The following AXL variants were observed in gnomAD, a reference collection of about 807,000 sequenced individuals.
AXL encodes tyrosine-protein kinase receptor UFO.
In AXL, 52 loss-of-function variants were observed where a neutral mutation model predicts 104.5. That is an observed-to-expected ratio of 0.50 (90% CI 0.40 to 0.63). The LOEUF is 0.63. AXL is among the 20% of genes least tolerant of loss of function. The pLI, the probability that AXL is intolerant of heterozygous loss-of-function variation, is 0.00. For synonymous variants in AXL, 455 were observed against 473.7 expected (o/e 0.96, Z 0.51); for missense variants, 1,024 against 1,188.5 (o/e 0.86, Z 2.04).
rs532088297 is a variant in AXL, at chr19:41,229,624, A to C, written c.587-1343A>C. On this transcript the variant is annotated intron_variant, in intron 4 of 19. Coordinates refer to ENST00000301178, the MANE Select transcript of AXL (RefSeq NM_021913.5). ...GGACTGAGAGGTGTTGTTGAGGAACAAAAATGAAAGAAGAGGGTGCGAGTC... is the reference window on the plus strand; with the variant it reads ...GGACTGAGAGGTGTTGTTGAGGAACCAAAATGAAAGAAGAGGGTGCGAGTC... Among the ~76,000 whole-genome samples, 28 of 152,302 alleles carry C rather than the reference A, an allele frequency of 1.8e-4. No homozygotes were observed. The East Asian group carries it at 5.2e-3, about 28-fold the overall frequency.
rs2033774057 is a variant in AXL, at chr19:41,220,689, G to T, written c.139G>T (p.Ala47Ser). 6.2e-7 allele frequency: 1 copy of T among 1,611,104 alleles called. No individual in the cohort carries two copies. Among genetic ancestry groups the T allele is most frequent in the African/African-American group, 1.3e-5 (1 of 74,852 alleles). Residue 47 changes from alanine (A) to serine (S), a missense_variant, in exon 2 of 20, where the codon GCC becomes TCC. Around this residue, in one of 5 missense-constraint regions of AXL, gnomAD observed 124 missense variants for 115.5 expected, o/e 1.07. Transcript: ENST00000301178. ...FVGNPGNITG[A>S]RGLTGTLRCQ... The stretch of plus-strand genomic sequence containing the variant: ...GGGCAACCCAGGGAATATCACAGGT[G>T]CCCGGGGACTCACGGGCACCCTTCG...
chr19:41,252,947 C>T lies in AXL; in HGVS notation c.1906C>T (p.Arg636Trp), dbSNP rs756510536. ...CCTACACAGCTTCCTCCTCTATTCC[C>T]GGCTCGGGGACCAGCCAGTGGTAAG... Reference protein sequence around the residue: ...GDLHSFLLYSRLGDQPVYLPT... With the variant: ...GDLHSFLLYSWLGDQPVYLPT... The change falls in exon 16 of 20, where the codon CGG becomes TGG. Residue 636 changes from arginine (R) to tryptophan (W), a missense_variant. Arg to Trp is a moderately radical substitution (Grantham distance 101). Transcript: ENST00000301178. The T allele has an allele frequency of 1.2e-5, 20 of 1,614,110 alleles. No individual in the cohort carries two copies. The highest frequency in any genetic ancestry group is 2.2e-5 in the East Asian group (1 of 44,880).
chr19:41,238,255 G>A (rs1451815533), intron 7 of AXL, 101 bp downstream of exon 7: 20 of 1,463,792 alleles, frequency 1.4e-5, no homozygotes, highest in Non-Finnish European at 1.8e-5. Flanking sequence ...ACCCCTCATG[G>A]CCTCAATCTC....
chr19:41,254,228 C>T (rs2034416203), intron 17 of AXL, among the ~76,000 whole-genome samples: 1 of 151,304 alleles, frequency 6.6e-6, no homozygotes, highest in Non-Finnish European at 1.5e-5. Context: ...AACCCCCTGT[C>T]TACTAAAAGT....
chr19:41,222,533 C>T (rs1426078523), intron 4 of AXL, among the ~76,000 whole-genome samples: 2 of 152,186 alleles, frequency 1.3e-5, no homozygotes, highest in African/African-American at 4.8e-5. Context: ...AACAAGCCTG[C>T]TGGCCTCAGT....
chr19:41,246,929 C>A (rs1175673928), intron 12 of AXL, among the ~76,000 whole-genome samples: 1 of 152,056 alleles, frequency 6.6e-6, no homozygotes, highest in Admixed American at 6.6e-5. Flanking sequence ...CTCAATAATT[C>A]TAACAATGTA....
At chr19:41,228,709 G>T (rs2033925090) in intron 4 of AXL, among the ~76,000 whole-genome samples, 1 of 152,108 alleles carries the variant, frequency 6.6e-6, no homozygotes, top group Admixed American at 6.6e-5. Flanking sequence ...CACACCTATT[G>T]TGTGCCAGGC....
In AXL at chr19:41,260,756, ATTC is replaced by A. The variant is rs930605353; in HGVS notation, c.*857_*859del. 1 of 152,180 alleles carries A rather than the reference ATTC, an allele frequency of 6.6e-6. No individual in the cohort carries two copies. Among genetic ancestry groups the A allele is most frequent in the Non-Finnish European group, 1.5e-5 (1 of 68,030 alleles). 9.4% of individuals were successfully genotyped at this position (152,180 alleles called of 1,614,324 possible). On this transcript the variant is annotated 3_prime_UTR_variant, in exon 20 of 20. Coordinates refer to ENST00000301178, the MANE Select transcript of AXL (RefSeq NM_021913.5). The stretch of plus-strand genomic sequence containing the variant: ...TAAGGCTCTATGAGTCTAGATGTTT[ATTC>A]TTCTAGAGTTCAGAGTCCTTAAAAT...
chr19:41,221,021 A>C, intron 2 of AXL, 125 bp from the exon 3 acceptor site: 1 of 1,155,046 alleles, frequency 8.7e-7, no homozygotes, highest in Non-Finnish European at 1.2e-6. Context: ...ATGAGTTAAT[A>C]ATAGGACATA....
chr19:41,233,789 A>G (rs2034035231), intron 6 of AXL, among the ~76,000 whole-genome samples: 1 of 151,156 alleles, frequency 6.6e-6, no homozygotes, highest in Non-Finnish European at 1.5e-5. Flanking sequence ...CCCAGAGGCC[A>G]GCTGGATTTG....
At chr19:41,227,626 C>T (rs963898973) in intron 4 of AXL, among the ~76,000 whole-genome samples, 3 of 151,908 alleles carry the variant, frequency 2.0e-5, no homozygotes, top group Non-Finnish European at 4.4e-5. Flanking sequence ...GCTGGGATTA[C>T]AGGCACGCGC....
In AXL at chr19:41,261,693, C is replaced by T. The variant is rs2034546295; in HGVS notation, c.*1789C>T. The T allele has an allele frequency of 6.6e-6, 1 of 152,652 alleles. No individual in the cohort carries two copies. Among genetic ancestry groups the T allele is most frequent in the Admixed American group, 6.5e-5 (1 of 15,284 alleles). 9.5% of individuals were successfully genotyped at this position (152,652 alleles called of 1,614,324 possible). Reference sequence around the variant, plus strand: ...GTTGCCCCCGTGAGCCAATCCCTCACCTTCTGAGTACAGAGTGTGGACTCT... The same window carrying T: ...GTTGCCCCCGTGAGCCAATCCCTCATCTTCTGAGTACAGAGTGTGGACTCT... On this transcript the variant is annotated 3_prime_UTR_variant, in exon 20 of 20. Coordinates refer to ENST00000301178, the MANE Select transcript of AXL (RefSeq NM_021913.5).
intron 10 of AXL, among the ~76,000 whole-genome samples, chr19:41,240,155 A>G (rs1162990140): frequency 6.8e-6 from 1 of 147,668 alleles, no homozygotes. Flanking sequence ...GAGGGTGGAT[A>G]GGTGGGTGAA....
intron 17 of AXL, 21 bp downstream of exon 17, chr19:41,253,729 C>A (rs2304233): frequency 1.1e-4 from 89 of 804,548 alleles, no homozygotes; most frequent in South Asian, 7.2e-4. Context: ...TTCAGGGACC[C>A]CCCCCCCCCA....
At chr19:41,245,968 A>G (rs889025341) in intron 12 of AXL, among the ~76,000 whole-genome samples, 3 of 152,184 alleles carry the variant, frequency 2.0e-5, no homozygotes, top group Non-Finnish European at 4.4e-5. Context: ...GTGGTCCCTG[A>G]GACCTTTGCA....
intron 6 of AXL, among the ~76,000 whole-genome samples, chr19:41,234,138 T>C (rs1276579462): frequency 6.6e-6 from 1 of 152,058 alleles, no homozygotes; most frequent in African/African-American, 2.4e-5. Flanking sequence ...GGTCTCATGG[T>C]GGTGTCATCT....
intron 4 of AXL, among the ~76,000 whole-genome samples, chr19:41,227,289 T>C (rs1003200488): frequency 5.3e-5 from 8 of 152,130 alleles, no homozygotes; most frequent in African/African-American, 9.7e-5. Flanking sequence ...CTGTATATAC[T>C]ACACATAACT....
At chr19:41,240,005 A>G (rs1392012337) in intron 10 of AXL, among the ~76,000 whole-genome samples, 1 of 151,882 alleles carries the variant, frequency 6.6e-6, no homozygotes, top group Non-Finnish European at 1.5e-5. Context: ...GGGTCAATGG[A>G]TGAATAGAGG....
intron 6 of AXL, among the ~76,000 whole-genome samples, chr19:41,232,790 G>A (rs1223835091): frequency 6.6e-6 from 1 of 152,060 alleles, no homozygotes; most frequent in Non-Finnish European, 1.5e-5. Flanking sequence ...AATGAAGAAT[G>A]ACCAATTTCT....
Sources: gnomAD v4.1 joint callset for allele counts (sites outside exome capture counted in the v4.1 genomes callset) on GRCh38, gnomAD v4.1.1 for gene constraint, gnomAD v4.1.1 regional missense constraint, MANE v1.5 for transcripts, NCBI Gene and HGNC (gene_info 2026-07-23, HGNC 2026-07-21) for gene names.